TLE1: variants seen among roughly 807,000 people sequenced by gnomAD.
TLE1 encodes TLE family member 1, transcriptional corepressor.
TLE1 carries 21 observed loss-of-function variants against 89.8 expected under a neutral mutation model. That is an observed-to-expected ratio of 0.23 (90% CI 0.17 to 0.34). TLE1 has a LOEUF of 0.34. TLE1 is among the 10% of genes least tolerant of loss of function. TLE1 has a pLI of 1.00. For synonymous variants in TLE1, 447 were observed against 407.6 expected, an observed-to-expected ratio of 1.10 and a Z score of -1.16; for missense variants, 795 against 1,031.2, an observed-to-expected ratio of 0.77 and a Z score of 3.14.
At chr9:81,685,537 A>C (rs1834152562) in intron 4 of TLE1, 139 bp downstream of exon 4, 1 of 742,030 alleles carries the variant, frequency 1.3e-6, no homozygotes, top group South Asian at 1.9e-5. Context: ...ACTACCATCA[A>C]TCCACAGGAC....
At chr9:81,678,170 T>C (rs1833140060) in intron 4 of TLE1, among the ~76,000 whole-genome samples, 1 of 152,198 alleles carries the variant, frequency 6.6e-6, no homozygotes, top group African/African-American at 2.4e-5. Flanking sequence ...ACCATTATGA[T>C]TTTTATATTG....
Position 81,688,616 on chromosome 9 carries a change from C to A in TLE1, c.-376G>T. 4.3e-6 allele frequency: 1 copy of A among 232,188 alleles called. No individual in the cohort carries two copies. The highest frequency in any genetic ancestry group is 8.3e-6 in the Non-Finnish European group (1 of 121,000). The allele number at this position is 232,188 out of a possible 1,614,324, so 14.4% of individuals were successfully genotyped here. A position where few individuals can be genotyped will look rare whatever the true frequency, so the allele number is the denominator to read the frequency against. On this transcript the variant is annotated 5_prime_UTR_variant, in exon 1 of 20. Coordinates refer to ENST00000376499, the MANE Select transcript of TLE1 (RefSeq NM_005077.5). Reference sequence around the variant, plus strand: ...CTCCGACCGCACTCCCCTCGGCGATCCGCGTGCGCGGCGCCAGTCCTGGGC... The same window carrying A: ...CTCCGACCGCACTCCCCTCGGCGATACGCGTGCGCGGCGCCAGTCCTGGGC...
intron 4 of TLE1, among the ~76,000 whole-genome samples, chr9:81,655,987 G>A (rs1830111443): frequency 6.6e-6 from 1 of 152,108 alleles, no homozygotes; most frequent in South Asian, 2.1e-4. Flanking sequence ...TATAAGATTG[G>A]ATTTAGTCTG....
chr9:81,662,361 T>TTGTTTGTG (rs1554694311), intron 4 of TLE1, among the ~76,000 whole-genome samples: 4 of 138,360 alleles, frequency 2.9e-5, no homozygotes, highest in African/African-American at 1.1e-4. Context: ...TGTGCCTGTT[T>TTGTTTGTG]TGTGTGTGTG....
At chr9:81,604,250 C>T (rs1051587583) in intron 14 of TLE1, among the ~76,000 whole-genome samples, 1 of 152,154 alleles carries the variant, frequency 6.6e-6, no homozygotes, top group Non-Finnish European at 1.5e-5. Flanking sequence ...CGGTGGGGTC[C>T]CCTATGCCTA....
intron 14 of TLE1, among the ~76,000 whole-genome samples, chr9:81,600,628 C>CAA (rs35107385): frequency 2.2e-5 from 3 of 135,760 alleles, no homozygotes; most frequent in South Asian, 2.4e-4. Context: ...TTTAATAGAC[C>CAA]AAAAAAAAAA....
chr9:81,584,376 GCA>G (rs1828033498), intron 19 of TLE1, 70 bp downstream of exon 19: 5 of 1,605,696 alleles, frequency 3.1e-6, no homozygotes, highest in Non-Finnish European at 4.3e-6. Flanking sequence ...TCCCTCGGAG[GCA>G]CCTTCACTCC....
intron 6 of TLE1, among the ~76,000 whole-genome samples, chr9:81,638,383 A>G (rs115969062): frequency 2.6e-4 from 39 of 152,326 alleles, no homozygotes; most frequent in African/African-American, 8.9e-4. Flanking sequence ...ATTTATTTAA[A>G]TGAGTAGAGG....
At chr9:81,657,812 C>T (rs1830317591) in intron 4 of TLE1, among the ~76,000 whole-genome samples, 1 of 151,348 alleles carries the variant, frequency 6.6e-6, no homozygotes, top group Non-Finnish European at 1.5e-5. Flanking sequence ...ACTTAAAATA[C>T]CTAATACAAT....
intron 14 of TLE1, among the ~76,000 whole-genome samples, chr9:81,604,340 G>A (rs1831356178): frequency 6.6e-6 from 1 of 152,204 alleles, no homozygotes. Context: ...AGCAGGTGAT[G>A]TGGGAACCCT....
At position 81,688,954 on chromosome 9, in the gene TLE1, C is replaced by T. The variant is rs1376353193; in HGVS notation, c.-714G>A. On this transcript the variant is annotated 5_prime_UTR_variant, in exon 1 of 20. Transcript: ENST00000376499. ...AGGCGGCTCGGCACGCCCCGTGCGA[C>T]CAGCACTCGGTGTTCTCCGCGGTTG... 3 of 152,388 alleles carry T rather than the reference C, an allele frequency of 2.0e-5. No individual in the cohort carries two copies. Among genetic ancestry groups the T allele is most frequent in the African/African-American group, 7.2e-5 (3 of 41,472 alleles). 9.4% of individuals were successfully genotyped at this position (152,388 alleles called of 1,614,324 possible). A position where few individuals can be genotyped will look rare whatever the true frequency, so the allele number is the denominator to read the frequency against.
intron 4 of TLE1, among the ~76,000 whole-genome samples, chr9:81,678,858 G>C (rs1435230709): frequency 6.6e-6 from 1 of 151,984 alleles, no homozygotes; most frequent in Non-Finnish European, 1.5e-5. Context: ...AAAAAATTAG[G>C]GGCTGGGACC....
chr9:81,634,590 C>G (rs984008593), intron 6 of TLE1, among the ~76,000 whole-genome samples: 2 of 152,196 alleles, frequency 1.3e-5, no homozygotes, highest in African/African-American at 4.8e-5. Context: ...TCTGGTATCA[C>G]TCACTCCGAG....
chr9:81,625,086 C>T (rs1825744373), intron 8 of TLE1, among the ~76,000 whole-genome samples: 1 of 152,040 alleles, frequency 6.6e-6, no homozygotes, highest in African/African-American at 2.4e-5. Flanking sequence ...GCAGAACTGG[C>T]ATAACTTTTA....
chr9:81,638,371 A>T (rs371043726), intron 6 of TLE1, among the ~76,000 whole-genome samples: 5 of 152,298 alleles, frequency 3.3e-5, no homozygotes, highest in South Asian at 4.1e-4. Flanking sequence ...CTAAGATAAC[A>T]TATTTATTTA....
intron 5 of TLE1, among the ~76,000 whole-genome samples, chr9:81,653,621 AC>A (rs1829819525): frequency 6.6e-6 from 1 of 152,230 alleles, no homozygotes; most frequent in South Asian, 2.1e-4. Context: ...CCTTGATGGA[AC>A]CATTTTTAAA....
In TLE1 at chr9:81,583,942, T is replaced by A. The variant is rs1037850776; in HGVS notation, c.*256A>T. ...ATGGGCTGTCATGTGAGTCGGCAGA[T>A]TCCGTTCCTCAATCCTACAACCCAT... On this transcript the variant is annotated 3_prime_UTR_variant, in exon 20 of 20. Coordinates refer to ENST00000376499, the MANE Select transcript of TLE1 (RefSeq NM_005077.5). 4.4e-6 allele frequency: 2 copies of A among 450,284 alleles called. No homozygotes were observed. The highest frequency in any genetic ancestry group is 8.1e-6 in the Non-Finnish European group (2 of 247,816). 27.9% of individuals were successfully genotyped at this position (450,284 alleles called of 1,614,324 possible).
At chr9:81,623,439 T>C (rs1210230394) in intron 8 of TLE1, among the ~76,000 whole-genome samples, 2 of 152,092 alleles carry the variant, frequency 1.3e-5, no homozygotes, top group African/African-American at 2.4e-5. Context: ...GAGGACACCA[T>C]TTGCAAAAGA....
intron 6 of TLE1, among the ~76,000 whole-genome samples, chr9:81,635,491 C>G (rs532535960): frequency 6.6e-6 from 1 of 152,094 alleles, no homozygotes; most frequent in Non-Finnish European, 1.5e-5. Context: ...GAAAAAGTAT[C>G]CAAGAAATGG....
Sources: allele counts gnomAD v4.1 joint callset (sites outside exome capture counted in the v4.1 genomes callset), GRCh38; gene constraint gnomAD v4.1.1; transcripts MANE v1.5; gene names NCBI Gene and HGNC (gene_info 2026-07-23, HGNC 2026-07-21).